The following RBMS1 variants were observed in gnomAD, a reference collection of about 807,000 sequenced individuals.
RBMS1 encodes the protein RNA binding motif single stranded interacting protein 1.
In RBMS1, 17 loss-of-function variants were observed where a neutral mutation model predicts 62.3. That is an observed-to-expected ratio of 0.27 (90% CI 0.19 to 0.41). The LOEUF (loss-of-function observed/expected upper bound fraction) is 0.41. RBMS1 is among the 10% of genes least tolerant of loss of function. The pLI is 1.00. For synonymous variants in RBMS1, 172 were observed against 170.0 expected, an observed-to-expected ratio of 1.01 and a Z score of -0.09; for missense variants, 334 against 504.5, an observed-to-expected ratio of 0.66 and a Z score of 3.24.
At chr2:160,330,269 C>T (rs1034743093) in intron 2 of RBMS1, among the ~76,000 whole-genome samples, 1 of 152,146 alleles carries the variant, frequency 6.6e-6, no homozygotes, top group African/African-American at 2.4e-5. Flanking sequence ...ATTGAGTTGT[C>T]AACTGTTGGT....
intron 1 of RBMS1, among the ~76,000 whole-genome samples, chr2:160,469,648 C>T (rs1390070018): frequency 6.6e-6 from 1 of 152,328 alleles, no homozygotes; most frequent in Admixed American, 6.5e-5. Context: ...CCTTCTGTTT[C>T]CTCTCAGGAC....
intron 1 of RBMS1, among the ~76,000 whole-genome samples, chr2:160,445,830 G>A (rs1479680157): frequency 6.6e-6 from 1 of 152,176 alleles, no homozygotes; most frequent in Non-Finnish European, 1.5e-5. Context: ...GGAGTTAAGG[G>A]AAAGTTTCTT....
chr2:160,483,877 C>G (rs1685472590), intron 1 of RBMS1, among the ~76,000 whole-genome samples: 1 of 151,146 alleles, frequency 6.6e-6, no homozygotes, highest in Non-Finnish European at 1.5e-5. Context: ...TTTTGTGCAG[C>G]TCTTCATCAC....
intron 2 of RBMS1, among the ~76,000 whole-genome samples, chr2:160,318,740 C>T (rs911367730): frequency 2.9e-4 from 44 of 152,278 alleles, no homozygotes; most frequent in African/African-American, 9.9e-4. Context: ...CAGGTGTGTG[C>T]GCATGTTTAT....
chr2:160,309,707 A>C (rs1689741557), intron 4 of RBMS1, among the ~76,000 whole-genome samples: 1 of 152,182 alleles, frequency 6.6e-6, no homozygotes, highest in South Asian at 2.1e-4. Flanking sequence ...AAACATCAGC[A>C]TGCTGCCTGG....
chr2:160,438,507 T>A (rs1683216696), intron 1 of RBMS1, among the ~76,000 whole-genome samples: 1 of 152,198 alleles, frequency 6.6e-6, no homozygotes, highest in Admixed American at 6.5e-5. Flanking sequence ...AAAGCACATC[T>A]TGCACCGCCC....
chr2:160,390,711 C>CAACG (rs1694821180), intron 1 of RBMS1, among the ~76,000 whole-genome samples: 1 of 131,510 alleles, frequency 7.6e-6, no homozygotes, highest in Non-Finnish European at 1.6e-5. Flanking sequence ...AAAAAAAAAG[C>CAACG]AACGAGGAAC....
chr2:160,390,042 G>A (rs1268046233), intron 1 of RBMS1, among the ~76,000 whole-genome samples: 1 of 152,052 alleles, frequency 6.6e-6, no homozygotes, highest in Non-Finnish European at 1.5e-5. Context: ...TTACAAATGG[G>A]CAAGAATATT....
At chr2:160,335,741 C>G (rs994315051) in intron 2 of RBMS1, among the ~76,000 whole-genome samples, 1 of 152,150 alleles carries the variant, frequency 6.6e-6, no homozygotes, top group African/African-American at 2.4e-5. Flanking sequence ...ACTTCCAAAA[C>G]TACATGTAAT....
At chr2:160,493,238 C>T in intron 1 of RBMS1, 51 bp downstream of exon 1, 1 of 1,560,464 alleles carries the variant, frequency 6.4e-7, no homozygotes, top group East Asian at 2.3e-5. Flanking sequence ...ACCCTGCGCG[C>T]GTCCCCGGGC....
intron 1 of RBMS1, among the ~76,000 whole-genome samples, chr2:160,447,088 G>A (rs1360370251): frequency 6.6e-6 from 1 of 152,114 alleles, no homozygotes; most frequent in African/African-American, 2.4e-5. Flanking sequence ...AAATCTTAAG[G>A]ACACAGTGAA....
At chr2:160,453,548 C>CT (rs1684088822) in intron 1 of RBMS1, among the ~76,000 whole-genome samples, 1 of 152,086 alleles carries the variant, frequency 6.6e-6, no homozygotes, top group Admixed American at 6.6e-5. Context: ...CCATAACAAC[C>CT]TAACTTCTGC....
intron 1 of RBMS1, among the ~76,000 whole-genome samples, chr2:160,455,984 A>G (rs1684213267): frequency 6.6e-6 from 1 of 152,188 alleles, no homozygotes; most frequent in Non-Finnish European, 1.5e-5. Flanking sequence ...CGCCCGGCCC[A>G]TTCCCAAGCT....
At chr2:160,450,564 G>GAAAAAAAAAAAAAAAA (rs1181640365) in intron 1 of RBMS1, among the ~76,000 whole-genome samples, 4 of 56,576 alleles carry the variant, frequency 7.1e-5, no homozygotes, top group Non-Finnish European at 9.4e-5. Context: ...AATAAAAAAT[G>GAAAAAAAAAAAAAAAA]AAAAAAAAAA....
chr2:160,375,717 A>G (rs1693960046), intron 1 of RBMS1, among the ~76,000 whole-genome samples: 2 of 152,192 alleles, frequency 1.3e-5, no homozygotes, highest in South Asian at 4.1e-4. Context: ...CGCAGTAAAC[A>G]CAAAATCCCA....
intron 1 of RBMS1, among the ~76,000 whole-genome samples, chr2:160,387,314 T>A (rs1694632022): frequency 1.3e-5 from 2 of 152,144 alleles, no homozygotes; most frequent in Admixed American, 1.3e-4. Flanking sequence ...TTAATGATTT[T>A]TTTTTTTTGC....
intron 12 of RBMS1, 113 bp downstream of exon 12, chr2:160,277,190 G>T: frequency 1.0e-6 from 1 of 984,742 alleles, no homozygotes; most frequent in Non-Finnish European, 1.5e-6. Context: ...CTGGCTAAAC[G>T]CAATTCTTTA....
intron 1 of RBMS1, among the ~76,000 whole-genome samples, chr2:160,460,842 C>G (rs1684431189): frequency 6.6e-6 from 1 of 152,220 alleles, no homozygotes; most frequent in African/African-American, 2.4e-5. Flanking sequence ...CATCCGTGCC[C>G]TCAACCTCCC....
chr2:160,276,227 A>G (rs1466229601), intron 12 of RBMS1, among the ~76,000 whole-genome samples: 1 of 152,196 alleles, frequency 6.6e-6, no homozygotes, highest in Admixed American at 6.5e-5. Flanking sequence ...AGTAGTTACA[A>G]AGATAATTTT....
Sources: gnomAD v4.1 joint callset for allele counts (sites outside exome capture counted in the v4.1 genomes callset) on GRCh38, gnomAD v4.1.1 for gene constraint, MANE v1.5 for transcripts, NCBI Gene and HGNC (gene_info 2026-07-23, HGNC 2026-07-21) for gene names.